The following TTC17 variants were observed in gnomAD, a reference collection of about 807,000 sequenced individuals.
The protein encoded by TTC17 is tetratricopeptide repeat domain 17.
Under a neutral mutation model 143.8 loss-of-function variants are expected in TTC17, and 58 were observed. That is an observed-to-expected ratio of 0.40 (90% CI 0.33 to 0.50). The LOEUF (loss-of-function observed/expected upper bound fraction) is 0.50, where lower values mean the gene tolerates loss of function less well. Ranked by LOEUF, TTC17 falls within the 20% of genes least tolerant of loss-of-function variation. TTC17 has a pLI of 0.49. For synonymous variants in TTC17, 501 were observed against 497.8 expected, an observed-to-expected ratio of 1.01 and a Z score of -0.09; for missense variants, 1,273 against 1,392.5, an observed-to-expected ratio of 0.91 and a Z score of 1.37.
chr11:43,366,505 C>CAAA (rs11284058), intron 1 of TTC17, among the ~76,000 whole-genome samples: 1 of 121,996 alleles, frequency 8.2e-6, no homozygotes. Flanking sequence ...GACTCTGCCT[C>CAAA]AAAAAAAAAA....
intron 21 of TTC17, chr11:43,490,028 A>C (rs1948445439): frequency 4.5e-6 from 2 of 444,002 alleles, no homozygotes. Context: ...TAGTTTTCTC[A>C]TTTATAGAAG....
chr11:43,367,567 G>A (rs1331615683), intron 1 of TTC17, among the ~76,000 whole-genome samples: 1 of 152,194 alleles, frequency 6.6e-6, no homozygotes, highest in Non-Finnish European at 1.5e-5. Context: ...CGCTCTGATA[G>A]TGAAGAATAA....
chr11:43,407,288 TA>T, intron 14 of TTC17, 64 bp from the exon 15 acceptor site: 1 of 1,572,148 alleles, frequency 6.4e-7, no homozygotes, highest in Non-Finnish European at 8.6e-7. Flanking sequence ...ATGCACTTAT[TA>T]AAAATCTTAT....
Position 43,358,982 on chromosome 11 carries a change from C to G in TTC17, c.28C>G (p.Arg10Gly). 2 of 1,579,838 alleles carry G rather than the reference C, an allele frequency of 1.3e-6. No homozygotes were observed. The highest frequency in any genetic ancestry group is 1.7e-6 in the Non-Finnish European group (2 of 1,163,684). The change falls in exon 1 of 24, where the codon CGG becomes GGG. Residue 10 changes from arginine to glycine, a missense_variant. This residue lies in a region of TTC17 where 70 missense variants were observed against 48.5 expected (regional missense o/e 1.44). Coordinates refer to ENST00000039989, the MANE Select transcript of TTC17 (RefSeq NM_018259.6). MAAAVGVRG[R>G]YELPPCSGPG... ...GGCGGCGGCAGTAGGGGTTCGTGGC[C>G]GGTACGAGCTGCCGCCTTGCTCCGG... is the stretch of plus-strand genomic sequence containing the variant.
At position 43,414,758 on chromosome 11, in the gene TTC17, A is replaced by T. The variant is rs1565154370; in HGVS notation, c.2233A>T (p.Thr745Ser). Residue 745 changes from threonine to serine, a missense_variant, in exon 16 of 24, where the codon ACT becomes TCT. Thr to Ser is a moderately conservative substitution (Grantham distance 58, BLOSUM62 1). Transcript: ENST00000039989. ...MQFYPFLYNI[T>S]SSVCSGTVVE... Reference sequence around the variant, plus strand: ...GTTTTATCCTTTTCTGTACAACATCACTTCTTCTGTTTGCAGTGGTAAGCA... The same window carrying T: ...GTTTTATCCTTTTCTGTACAACATCTCTTCTTCTGTTTGCAGTGGTAAGCA... 1 of 1,613,016 alleles carries T rather than the reference A, an allele frequency of 6.2e-7. No individual in the cohort carries two copies. The highest frequency in any genetic ancestry group is 1.3e-5 in the African/African-American group (1 of 74,824).
chr11:43,435,791 T>C (rs570579951), intron 16 of TTC17, among the ~76,000 whole-genome samples: 2 of 152,364 alleles, frequency 1.3e-5, no homozygotes, highest in South Asian at 4.1e-4. Flanking sequence ...CTCAGACTTA[T>C]CCAGGTATTA....
chr11:43,419,131 AT>A (rs1379857755), intron 16 of TTC17, among the ~76,000 whole-genome samples: 9 of 152,212 alleles, frequency 5.9e-5, no homozygotes. Flanking sequence ...TTCTTAATTA[AT>A]TGAGGCACAC....
chr11:43,366,538 T>C (rs1003564191), intron 1 of TTC17, among the ~76,000 whole-genome samples: 2 of 151,148 alleles, frequency 1.3e-5, no homozygotes, highest in African/African-American at 4.8e-5. Flanking sequence ...TCAGAAATAA[T>C]GCATGGCATT....
intron 21 of TTC17, among the ~76,000 whole-genome samples, chr11:43,462,308 A>G (rs2134794723): frequency 6.6e-6 from 1 of 152,346 alleles, no homozygotes; most frequent in African/African-American, 2.4e-5. Flanking sequence ...GACTTTGCAG[A>G]TAAAATTGAG....
intron 1 of TTC17, among the ~76,000 whole-genome samples, chr11:43,366,041 C>T (rs1050587510): frequency 2.0e-5 from 3 of 150,338 alleles, no homozygotes; most frequent in South Asian, 2.1e-4. Flanking sequence ...AGTGCAGTGG[C>T]GCAATCTCGG....
intron 2 of TTC17, among the ~76,000 whole-genome samples, chr11:43,382,325 A>G (rs891355012): frequency 6.6e-6 from 1 of 152,236 alleles, no homozygotes; most frequent in Non-Finnish European, 1.5e-5. Context: ...GTGGAAGTTC[A>G]TAGAATGTCT....
At chr11:43,387,047 A>G (rs1857195605) in intron 2 of TTC17, among the ~76,000 whole-genome samples, 1 of 152,140 alleles carries the variant, frequency 6.6e-6, no homozygotes, top group Non-Finnish European at 1.5e-5. Context: ...GACTCCCAAA[A>G]TGCTAAGATT....
At chr11:43,403,911 T>TG in intron 10 of TTC17, 87 bp from the exon 11 acceptor site, 1 of 1,175,622 alleles carries the variant, frequency 8.5e-7, no homozygotes, top group Non-Finnish European at 1.2e-6. Context: ...TTTTGAATAT[T>TG]CACTCGCTTT....
intron 18 of TTC17, chr11:43,446,011 A>G: frequency 1.3e-6 from 2 of 1,534,304 alleles, no homozygotes; most frequent in Admixed American, 2.0e-5. Flanking sequence ...AGAGCCTCTT[A>G]TGATATCCTT....
intron 8 of TTC17, among the ~76,000 whole-genome samples, chr11:43,398,871 G>A (rs1358235696): frequency 1.3e-5 from 2 of 152,150 alleles, no homozygotes; most frequent in Non-Finnish European, 2.9e-5. Flanking sequence ...TAATGTGGTA[G>A]GAAGTAAAAA....
intron 21 of TTC17, chr11:43,466,671 A>C (rs1448820108): frequency 2.7e-6 from 1 of 367,648 alleles, no homozygotes; most frequent in Non-Finnish European, 5.4e-6. Context: ...AGGTCTTGGC[A>C]TCTTGTCCAT....
chr11:43,377,259 C>T (rs1001875838), intron 1 of TTC17, among the ~76,000 whole-genome samples: 1 of 151,966 alleles, frequency 6.6e-6, no homozygotes, highest in African/African-American at 2.4e-5. Context: ...CACCACTGCA[C>T]TCCAGCCCAG....
At chr11:43,426,302 G>T (rs1241231919) in intron 16 of TTC17, among the ~76,000 whole-genome samples, 1 of 152,236 alleles carries the variant, frequency 6.6e-6, no homozygotes, top group Non-Finnish European at 1.5e-5. Context: ...CCTGCAAAGT[G>T]GCCACTGAGG....
chr11:43,394,151 G>A lies in TTC17; in HGVS notation c.663+2199G>A, dbSNP rs140845532. Among the ~76,000 whole-genome samples, 340 of 152,324 alleles carry A rather than the reference G, an allele frequency of 2.2e-3. 5 individuals carry two copies. Among genetic ancestry groups the A allele is most frequent in the Admixed American group, 0.018 (278 of 15,304 alleles). On this transcript the variant is annotated intron_variant, in intron 5 of 23. Transcript: ENST00000039989. ...TTGAGGAGACATAGACTTTCAGTCCGTAACAGGTGGCATGCAGCCAAATTC... is the reference window on the plus strand; with the variant it reads ...TTGAGGAGACATAGACTTTCAGTCCATAACAGGTGGCATGCAGCCAAATTC...
Sources: allele counts gnomAD v4.1 joint callset (sites outside exome capture counted in the v4.1 genomes callset), GRCh38; gene constraint gnomAD v4.1.1; regional missense constraint gnomAD v4.1.1; transcripts MANE v1.5; gene names NCBI Gene and HGNC (gene_info 2026-07-23, HGNC 2026-07-21).